The following TULP4 variants were observed in gnomAD, a reference collection of about 807,000 sequenced individuals.
The protein encoded by TULP4 is tubby-related protein 4.
Under a neutral mutation model 129.0 loss-of-function variants are expected in TULP4, and 16 were observed. The ratio of observed to expected loss-of-function variants is 0.12; its 90% CI spans 0.08 to 0.19. TULP4 has a LOEUF of 0.19. Ranked by LOEUF, TULP4 falls within the 10% of genes least tolerant of loss-of-function variation. TULP4 has a pLI of 1.00. For missense variants in TULP4, 1,842 were observed against 2,059.1 expected (o/e 0.89, Z 2.04); for synonymous variants, 998 against 854.0 (o/e 1.17, Z -2.94).
chr6:158,489,853 C>A (rs991404489), intron 9 of TULP4, 121 bp downstream of exon 9: 1 of 1,211,018 alleles, frequency 8.3e-7, no homozygotes, highest in African/African-American at 1.5e-5. Context: ...CCTGCCTTTT[C>A]TTCCAGAAGA....
At position 158,506,644 on chromosome 6, in the gene TULP4, G is replaced by A. The variant is rs748142377; in HGVS notation, c.4582G>A (p.Val1528Met). The A allele has an allele frequency of 6.8e-5, 109 of 1,613,946 alleles. 1 individual carries two copies. Among genetic ancestry groups the A allele is most frequent in the Middle Eastern group, 4.9e-4 (3 of 6,084 alleles). Residue 1528 changes from valine (V) to methionine (M), a missense_variant, in exon 14 of 14, where the codon GTG becomes ATG. Around this residue, in one of 5 missense-constraint regions of TULP4, gnomAD observed 47 missense variants for 104.0 expected, o/e 0.45. Transcript: ENST00000367097. ...AGACTTCCAGTATCCGTTCTCAGCC[G>A]TGCAGGCCTTTGCAGTTGCCCTGGC... ...ILDFQYPFSA[V>M]QAFAVALANV...
Position 158,339,496 on chromosome 6 carries a change from G to T in TULP4, c.252+25228G>T, listed in dbSNP as rs191827689. ...TAGCAAGCCTGGGGGTGCTGCAGGAGACTAGGATGTGCTTCATCCCTATCT... is the reference window on the plus strand; with the variant it reads ...TAGCAAGCCTGGGGGTGCTGCAGGATACTAGGATGTGCTTCATCCCTATCT... On this transcript the variant is annotated intron_variant, in intron 1 of 13. Transcript: ENST00000367097. 6.6e-4 allele frequency among the ~76,000 whole-genome samples: 100 copies of T among 152,272 alleles called. 1 individual carries two copies. The highest frequency in any genetic ancestry group is 2.1e-3 in the African/African-American group (86 of 41,552).
chr6:158,275,411 G>A (rs1778627285), intron 1 of TULP4, among the ~76,000 whole-genome samples: 1 of 152,200 alleles, frequency 6.6e-6, no homozygotes, highest in Non-Finnish European at 1.5e-5. Flanking sequence ...ATTCCTGCCT[G>A]TGAAAGACCA....
chr6:158,269,131 T>C (rs560257693), intron 1 of TULP4, among the ~76,000 whole-genome samples: 175 of 152,298 alleles, frequency 1.1e-3, no homozygotes, highest in Middle Eastern at 0.01. Context: ...AGTCTGAGAA[T>C]ATGAGAATAG....
intron 1 of TULP4, among the ~76,000 whole-genome samples, chr6:158,379,106 A>G (rs1395872570): frequency 6.6e-6 from 1 of 152,198 alleles, no homozygotes; most frequent in Non-Finnish European, 1.5e-5. Context: ...GGCTGGCGGC[A>G]TAGGTGTGAT....
At chr6:158,372,488 T>C (rs1777096090) in intron 1 of TULP4, among the ~76,000 whole-genome samples, 1 of 152,176 alleles carries the variant, frequency 6.6e-6, no homozygotes, top group Non-Finnish European at 1.5e-5. Context: ...AAAAGTGCAG[T>C]GTGGCATATT....
intron 1 of TULP4, among the ~76,000 whole-genome samples, chr6:158,340,696 C>T (rs563388311): frequency 2.0e-5 from 3 of 152,322 alleles, no homozygotes; most frequent in Admixed American, 6.5e-5. Context: ...CTCGACAAAG[C>T]GCCCTGACCA....
chr6:158,443,523 A>G (rs892883624), intron 3 of TULP4, among the ~76,000 whole-genome samples: 8 of 152,202 alleles, frequency 5.3e-5, no homozygotes, highest in Non-Finnish European at 1.2e-4. Context: ...ATGGAGCCTG[A>G]AAGATTTGGA....
intron 1 of TULP4, among the ~76,000 whole-genome samples, chr6:158,330,528 C>T (rs2128491736): frequency 6.6e-6 from 1 of 152,262 alleles, no homozygotes; most frequent in Middle Eastern, 3.4e-3. Context: ...GTGTTCTTCC[C>T]CCCTGGATCA....
chr6:158,497,856 C>T (rs12530454), intron 11 of TULP4, among the ~76,000 whole-genome samples: 35,208 of 152,128 alleles, frequency 0.23, 4,999 homozygotes, highest in Non-Finnish European at 0.32. Context: ...TTAAGGTGAC[C>T]GCCATGGAGC....
chr6:158,365,766 C>T (rs1465781059), intron 1 of TULP4, among the ~76,000 whole-genome samples: 29 of 150,476 alleles, frequency 1.9e-4, no homozygotes, highest in Non-Finnish European at 4.0e-4. Flanking sequence ...CTACCGCGCC[C>T]GGCCTGGAAG....
intron 1 of TULP4, among the ~76,000 whole-genome samples, chr6:158,395,888 G>A (rs978590074): frequency 2.0e-5 from 3 of 151,800 alleles, no homozygotes; most frequent in Admixed American, 6.6e-5. Flanking sequence ...TCTGTTTTAT[G>A]CTGGATTTTG....
intron 1 of TULP4, among the ~76,000 whole-genome samples, chr6:158,302,873 T>C (rs1278800888): frequency 6.6e-6 from 1 of 151,866 alleles, no homozygotes; most frequent in Non-Finnish European, 1.5e-5. Flanking sequence ...TGGCATGATA[T>C]AAGGCTGAAT....
At chr6:158,239,050 C>T (rs1173226011) in intron 1 of TULP4, among the ~76,000 whole-genome samples, 9 of 130,354 alleles carry the variant, frequency 6.9e-5, no homozygotes, top group Admixed American at 7.4e-5. Flanking sequence ...GCTGGCCGGG[C>T]GGGGGGCTGA....
upstream of TULP4, among the ~76,000 whole-genome samples, chr6:158,309,507 G>C (rs1262297200): frequency 6.6e-6 from 1 of 151,952 alleles, no homozygotes; most frequent in Non-Finnish European, 1.5e-5. Context: ...GGCAGAGGCT[G>C]CACTCTCGGC....
chr6:158,340,050 G>A (rs895833355), intron 1 of TULP4, among the ~76,000 whole-genome samples: 7 of 152,202 alleles, frequency 4.6e-5, no homozygotes, highest in Non-Finnish European at 8.8e-5. Context: ...TACCTTAATT[G>A]TATTGGCCAG....
chr6:158,418,183 T>C (rs530022498), intron 2 of TULP4, among the ~76,000 whole-genome samples: 1 of 150,840 alleles, frequency 6.6e-6, no homozygotes, highest in Admixed American at 6.6e-5. Flanking sequence ...TTCGGCTCAC[T>C]GCAACCTCCA....
chr6:158,258,033 C>T (rs912727241), intron 1 of TULP4, among the ~76,000 whole-genome samples: 2 of 152,174 alleles, frequency 1.3e-5, no homozygotes, highest in Admixed American at 6.5e-5. Flanking sequence ...TGGGTTCAGT[C>T]AACCACCTGT....
chr6:158,444,056 A>G (rs1167238022), intron 3 of TULP4, among the ~76,000 whole-genome samples: 1 of 141,822 alleles, frequency 7.1e-6, no homozygotes, highest in Non-Finnish European at 1.6e-5. Flanking sequence ...CGTCTCTACT[A>G]AAAAATACAA....
Sources: allele counts gnomAD v4.1 joint callset (sites outside exome capture counted in the v4.1 genomes callset), GRCh38; gene constraint gnomAD v4.1.1; regional missense constraint gnomAD v4.1.1; transcripts MANE v1.5; gene names NCBI Gene and HGNC (gene_info 2026-07-23, HGNC 2026-07-21).